RIMS2: variants seen among roughly 807,000 people sequenced by gnomAD.
RIMS2 encodes the protein regulating synaptic membrane exocytosis 2.
In RIMS2, 59 loss-of-function variants were observed where a neutral mutation model predicts 174.4. The ratio of observed to expected loss-of-function variants is 0.34; its 90% CI spans 0.27 to 0.42. The LOEUF (loss-of-function observed/expected upper bound fraction) is 0.42. RIMS2 is among the 10% of genes least tolerant of loss of function. RIMS2 has a pLI of 1.00. For missense variants in RIMS2, 1,620 were observed against 1,666.3 expected, an observed-to-expected ratio of 0.97 and a Z score of 0.48; for synonymous variants, 606 against 572.5, an observed-to-expected ratio of 1.06 and a Z score of -0.84.
chr8:103,708,230 G>A (rs1284543533), intron 2 of RIMS2, among the ~76,000 whole-genome samples: 1 of 152,194 alleles, frequency 6.6e-6, no homozygotes, highest in Non-Finnish European at 1.5e-5. Flanking sequence ...AGCCTGTGGT[G>A]AAGTGGACCG....
At chr8:103,728,444 G>A (rs1176681) in intron 2 of RIMS2, among the ~76,000 whole-genome samples, 110,536 of 151,846 alleles carry the variant, frequency 0.73, 40,953 homozygotes, top group East Asian at 0.88. Flanking sequence ...TGGTTGCTCT[G>A]TCTAGGACTT....
intron 1 of RIMS2, among the ~76,000 whole-genome samples, chr8:103,583,864 T>A (rs2093753584): frequency 6.6e-6 from 1 of 152,080 alleles, no homozygotes; most frequent in Non-Finnish European, 1.5e-5. Flanking sequence ...ATTCAAAGGG[T>A]AACAAAGTCA....
At chr8:104,033,729 A>G (rs1359871949) in intron 19 of RIMS2, among the ~76,000 whole-genome samples, 2 of 151,928 alleles carry the variant, frequency 1.3e-5, no homozygotes, top group African/African-American at 4.8e-5. Flanking sequence ...GGCAGTAAAA[A>G]CAATGTTAAA....
chr8:103,740,943 G>C lies in RIMS2; in HGVS notation c.388-25284G>C, dbSNP rs184009342. Among the ~76,000 whole-genome samples, 185 of 151,540 alleles carry C rather than the reference G, an allele frequency of 1.2e-3. 1 individual carries two copies. In the East Asian group the frequency reaches 0.019, roughly 15 times the overall value. On this transcript the variant is annotated intron_variant, in intron 2 of 23. Transcript: ENST00000504942. ...TTTATCCACATGTAATATATTTTTT[G>C]CTAGAATTTTTAAAAAGATAACCTT...
chr8:103,984,216 T>C (rs1448780985), intron 16 of RIMS2, among the ~76,000 whole-genome samples: 1 of 151,480 alleles, frequency 6.6e-6, no homozygotes, highest in African/African-American at 2.4e-5. Flanking sequence ...AGGGATCATA[T>C]CAAGTTAAAA....
In RIMS2 at chr8:103,584,919, T is replaced by C. The variant is rs1214855703; in HGVS notation, c.176+83857T>C. ...CATTGAATGTAAATGGACTAAACTT[T>C]CCAATCAAAGATATAAACTGGCTGA... On this transcript the variant is annotated intron_variant, in intron 1 of 23. Transcript: ENST00000504942. Among the ~76,000 whole-genome samples the C allele has an allele frequency of 2.7e-4, 5 of 18,662 alleles. No individual in the cohort carries two copies. In the African/African-American group the frequency reaches 3.7e-3, roughly 14 times the overall value. The allele number at this position is 18,662 out of a possible 152,430, so 12.2% of individuals were successfully genotyped here. A position where few individuals can be genotyped will look rare whatever the true frequency, so the allele number is the denominator to read the frequency against.
intron 3 of RIMS2, among the ~76,000 whole-genome samples, chr8:103,791,000 G>A (rs1354798203): frequency 1.3e-5 from 2 of 152,176 alleles, no homozygotes; most frequent in East Asian, 3.8e-4. Context: ...ACACTCTGCA[G>A]GATATTATCC....
chr8:103,699,717 C>T (rs1451469894), intron 2 of RIMS2, among the ~76,000 whole-genome samples: 1 of 152,004 alleles, frequency 6.6e-6, no homozygotes, highest in African/African-American at 2.4e-5. Context: ...AATTAGGGGT[C>T]ACATGCTATA....
At chr8:103,694,735 C>T (rs1436959012) in intron 1 of RIMS2, among the ~76,000 whole-genome samples, 1 of 152,104 alleles carries the variant, frequency 6.6e-6, no homozygotes, top group Non-Finnish European at 1.5e-5. Flanking sequence ...GAGGCTGGTT[C>T]TGAGGGTGCT....
chr8:103,520,885 CA>C (rs2130422479), intron 1 of RIMS2, among the ~76,000 whole-genome samples: 1 of 152,166 alleles, frequency 6.6e-6, no homozygotes, highest in Admixed American at 6.6e-5. Context: ...AAAGACTATT[CA>C]TTTTTTATCT....
chr8:103,656,778 C>T (rs984582749), intron 1 of RIMS2, among the ~76,000 whole-genome samples: 2 of 152,158 alleles, frequency 1.3e-5, no homozygotes, highest in Non-Finnish European at 2.9e-5. Flanking sequence ...GAAGAAACCA[C>T]AGATTCTGTT....
intron 16 of RIMS2, among the ~76,000 whole-genome samples, chr8:103,984,256 G>A (rs2094173314): frequency 6.6e-6 from 1 of 151,822 alleles, no homozygotes; most frequent in East Asian, 1.9e-4. Flanking sequence ...AAATAATGAA[G>A]ATACAACCCA....
intron 19 of RIMS2, among the ~76,000 whole-genome samples, chr8:104,108,229 A>AT (rs1273523752): frequency 2.0e-5 from 3 of 151,408 alleles, no homozygotes; most frequent in Non-Finnish European, 4.4e-5. Context: ...ATCTTTTGTT[A>AT]TTTTTTCTTT....
intron 19 of RIMS2, among the ~76,000 whole-genome samples, chr8:104,050,071 A>G (rs531869627): frequency 5.9e-5 from 9 of 152,216 alleles, no homozygotes; most frequent in African/African-American, 2.2e-4. Flanking sequence ...CCAAATAACC[A>G]GCAAATTTGG....
At chr8:104,044,358 A>G (rs1471008023) in intron 19 of RIMS2, among the ~76,000 whole-genome samples, 1 of 151,498 alleles carries the variant, frequency 6.6e-6, no homozygotes, top group African/African-American at 2.4e-5. Context: ...CAAAACAAGG[A>G]GAATAATAAG....
chr8:104,209,226 G>A (rs1293568153), intron 19 of RIMS2, among the ~76,000 whole-genome samples: 3 of 152,156 alleles, frequency 2.0e-5, no homozygotes, highest in African/African-American at 7.2e-5. Context: ...TATAATTTAT[G>A]TTCACCCTTT....
At chr8:104,144,744 ATTC>A (rs1566666159) in intron 19 of RIMS2, among the ~76,000 whole-genome samples, 4 of 152,106 alleles carry the variant, frequency 2.6e-5, no homozygotes, top group African/African-American at 7.2e-5. Flanking sequence ...ATATCTCTTC[ATTC>A]TTCTTTTGTG....
chr8:103,814,471 G>A (rs2098707025), intron 3 of RIMS2, among the ~76,000 whole-genome samples: 1 of 151,834 alleles, frequency 6.6e-6, no homozygotes, highest in African/African-American at 2.4e-5. Context: ...AAAAATTTTT[G>A]AGGATGATGT....
intron 1 of RIMS2, among the ~76,000 whole-genome samples, chr8:103,533,028 A>G (rs1837976150): frequency 3.3e-5 from 5 of 152,244 alleles, no homozygotes; most frequent in African/African-American, 1.2e-4. Flanking sequence ...CTAAGCATTG[A>G]TCACAATATT....
Sources: allele counts gnomAD v4.1 joint callset (sites outside exome capture counted in the v4.1 genomes callset), GRCh38; gene constraint gnomAD v4.1.1; transcripts MANE v1.5; gene names NCBI Gene and HGNC (gene_info 2026-07-23, HGNC 2026-07-21).